Variants in SPATA6L observed in about 807,000 individuals in gnomAD.
SPATA6L encodes spermatogenesis associated 6 like.
A neutral mutation model predicts 49.2 loss-of-function variants in SPATA6L; 68 were observed. The observed-to-expected ratio is 1.38, with a 90% confidence interval of 1.14 to 1.69. The LOEUF (loss-of-function observed/expected upper bound fraction) is 1.69, where lower values mean the gene tolerates loss of function less well. SPATA6L is among the 40% of genes most tolerant of loss of function. The pLI, the probability that SPATA6L is intolerant of heterozygous loss-of-function variation, is 0.00. For synonymous variants in SPATA6L, 198 were observed against 165.7 expected (o/e 1.19, Z -1.50); for missense variants, 668 against 464.3 (o/e 1.44, Z -4.03).
At chr9:4,608,062 T>A (rs1239670877) in intron 9 of SPATA6L, among the ~76,000 whole-genome samples, 1 of 145,458 alleles carries the variant, frequency 6.9e-6, no homozygotes, top group Non-Finnish European at 1.5e-5. Context: ...CATTACATAA[T>A]GGTAAAGGGA....
At position 4,599,582 on chromosome 9, in the gene SPATA6L, G is replaced by A. The variant is rs1469906270; in HGVS notation, c.*1229C>T. ...ACAGGAATTCATTTCTCACAGTTCT[G>A]GAAGCTGGGAAGTCCAAGATCAGAA... On this transcript the variant is annotated 3_prime_UTR_variant, in exon 12 of 12. Transcript: ENST00000682582. Among the ~76,000 whole-genome samples, 1 of 152,162 alleles carries A rather than the reference G, an allele frequency of 6.6e-6. No individual in the cohort carries two copies. The highest frequency in any genetic ancestry group is 1.5e-5 in the Non-Finnish European group (1 of 68,038).
downstream of SPATA6L, among the ~76,000 whole-genome samples, chr9:4,597,404 TG>T (rs1160526993): frequency 6.6e-6 from 1 of 150,616 alleles, no homozygotes; most frequent in Non-Finnish European, 1.5e-5. Flanking sequence ...GCGGAGCTAA[TG>T]GATCACTCTA....
At chr9:4,633,354 C>G (rs747379815) in intron 4 of SPATA6L, 3 of 153,106 alleles carry the variant, frequency 2.0e-5, no homozygotes, top group Non-Finnish European at 4.4e-5. Context: ...TCTGACCATT[C>G]TCAACTTGGT....
At chr9:4,622,757 A>G (rs1829618820) in intron 6 of SPATA6L, among the ~76,000 whole-genome samples, 1 of 152,256 alleles carries the variant, frequency 6.6e-6, no homozygotes, top group Non-Finnish European at 1.5e-5. Flanking sequence ...AACTAAAGTT[A>G]GACACAAATT....
At chr9:4,635,766 C>T (rs1419579359) in intron 3 of SPATA6L, among the ~76,000 whole-genome samples, 1 of 152,184 alleles carries the variant, frequency 6.6e-6, no homozygotes, top group East Asian at 1.9e-4. Context: ...GCATTGTTCA[C>T]ACAACTTTAC....
intron 5 of SPATA6L, chr9:4,626,892 T>A (rs75310079): frequency 0.06 from 10,434 of 173,366 alleles, 515 homozygotes; most frequent in Admixed American, 0.15. Context: ...TAATATGCAA[T>A]GCAGCGTGAT....
At chr9:4,620,632 C>G (rs1829068447) in intron 7 of SPATA6L, among the ~76,000 whole-genome samples, 2 of 152,216 alleles carry the variant, frequency 1.3e-5, no homozygotes. Flanking sequence ...TTCCAAGGAT[C>G]TGAGCCCAGA....
chr9:4,614,017 CTCTT>C lies in SPATA6L; in HGVS notation c.995+3902_995+3905del, dbSNP rs141728777. On this transcript the variant is annotated intron_variant, in intron 9 of 11. Transcript: ENST00000682582. ...TCTAGAGTAACCAATACCAAAGCGACTCTTTCATTTGTTACCATTATTGTTACAT... is the reference window on the plus strand; with the variant it reads ...TCTAGAGTAACCAATACCAAAGCGACTCATTTGTTACCATTATTGTTACAT... Among the ~76,000 whole-genome samples the C allele has an allele frequency of 4.8e-3, 726 of 152,330 alleles. 7 individuals are homozygous for C. Among genetic ancestry groups the C allele is most frequent in the African/African-American group, 0.017 (686 of 41,572 alleles).
Position 4,666,305 on chromosome 9 carries a change from T to G in SPATA6L, c.-55A>C. The G allele has an allele frequency of 6.2e-7, 1 of 1,600,684 alleles. No homozygotes were observed. Among genetic ancestry groups the G allele is most frequent in the Non-Finnish European group, 8.6e-7 (1 of 1,168,246 alleles). ...TGAGAAGATCCTTTTGTGCCGAGCC[T>G]TGGACCAATTTTTCTTAGTTTAGCT... On this transcript the variant is annotated 5_prime_UTR_variant, in exon 1 of 12. Coordinates refer to ENST00000682582, the MANE Select transcript of SPATA6L (RefSeq NM_001353486.2).
At chr9:4,594,787 T>C (rs923775946), downstream of SPATA6L, among the ~76,000 whole-genome samples, 1 of 152,160 alleles carries the variant, frequency 6.6e-6, no homozygotes, top group Non-Finnish European at 1.5e-5. Context: ...CACGTAATTC[T>C]TGAATAAACA....
chr9:4,663,345 C>A (rs778281963), intron 1 of SPATA6L: 37 of 1,414,912 alleles, frequency 2.6e-5, no homozygotes, highest in Non-Finnish European at 3.6e-5. Flanking sequence ...AGCCATCCCG[C>A]TTGTCCCTCT....
chr9:4,589,817 ATACCCTGTGGGAGGAAGTG>A (rs1201060358), intron 13 of SPATA6L, among the ~76,000 whole-genome samples: 1 of 152,186 alleles, frequency 6.6e-6, no homozygotes, highest in Admixed American at 6.5e-5. Context: ...GCTTTTTAAT[ATACCCTGTGGGAGGAAGTG>A]TACCTCTCTG....
chr9:4,628,622 T>C (rs1334099729), intron 5 of SPATA6L: 1 of 155,500 alleles, frequency 6.4e-6, no homozygotes, highest in Non-Finnish European at 1.4e-5. Context: ...ACTTTTTGTA[T>C]TTTTGGTAGA....
At chr9:4,640,578 A>G (rs891593646) in intron 3 of SPATA6L, among the ~76,000 whole-genome samples, 1 of 152,122 alleles carries the variant, frequency 6.6e-6, no homozygotes, top group African/African-American at 2.4e-5. Context: ...AAAAAAAAAA[A>G]ATTTTTGCTA....
In SPATA6L at chr9:4,629,129, T is replaced by A; in HGVS notation, c.391A>T (p.Ile131Phe). 1 of 1,612,008 alleles carries A rather than the reference T, an allele frequency of 6.2e-7. No individual in the cohort carries two copies. The highest frequency in any genetic ancestry group is 1.1e-5 in the South Asian group (1 of 90,954). The change falls in exon 5 of 12, where the codon ATC becomes TTC. Residue 131 changes from isoleucine to phenylalanine, a missense_variant. Ile to Phe is a conservative substitution (Grantham distance 21). Coordinates refer to ENST00000682582, the MANE Select transcript of SPATA6L (RefSeq NM_001353486.2). ...CTATGCAGAAACACACATTCTCTGA[T>A]GGCTGTCCTTGTAGAAAACTCTATT... ...PKIEFSTRTA[I>F]RECVFLHRNR... is the part of the protein sequence containing the mutation.
At chr9:4,622,884 C>T (rs1418520775) in intron 6 of SPATA6L, among the ~76,000 whole-genome samples, 1 of 152,160 alleles carries the variant, frequency 6.6e-6, no homozygotes, top group African/African-American at 2.4e-5. Context: ...GTAGTGCTGG[C>T]CTAAATGGGG....
chr9:4,603,729 G>A (rs1823956525), intron 11 of SPATA6L, among the ~76,000 whole-genome samples: 1 of 152,186 alleles, frequency 6.6e-6, no homozygotes, highest in Admixed American at 6.5e-5. Flanking sequence ...CATAATTTAT[G>A]AAGGAAAAAT....
Position 4,662,746 on chromosome 9 carries a change from G to A in SPATA6L, c.40-710C>T. 6.2e-7 allele frequency: 1 copy of A among 1,603,630 alleles called. No homozygotes were observed. The highest frequency in any genetic ancestry group is 1.1e-5 in the South Asian group (1 of 91,086). The stretch of plus-strand genomic sequence containing the variant: ...AAGCTGGGGGTGTGCGCGGGAGAGA[G>A]CTCGTCGTGGGGCAGCGTGCGACCC... On this transcript the variant is annotated intron_variant, in intron 1 of 11. Coordinates refer to ENST00000682582, the MANE Select transcript of SPATA6L (RefSeq NM_001353486.2). The surrounding 1 kb of genome is among the most constrained non-coding windows in gnomAD (Gnocchi z 4.9).
downstream of SPATA6L, among the ~76,000 whole-genome samples, chr9:4,595,351 G>C (rs16921549): frequency 0.012 from 1,870 of 152,196 alleles, 40 homozygotes; most frequent in African/African-American, 0.042. Context: ...CTACTCAGTT[G>C]AGGTTCTATT....
Sources: allele counts gnomAD v4.1 joint callset (sites outside exome capture counted in the v4.1 genomes callset), GRCh38; gene constraint gnomAD v4.1.1; non-coding constraint Gnocchi (gnomAD v3.1); transcripts MANE v1.5; gene names NCBI Gene and HGNC (gene_info 2026-07-23, HGNC 2026-07-21).